Variants in FHOD3 observed in about 807,000 individuals in gnomAD.
FHOD3 encodes the protein formin homology 2 domain containing 3, also known as FH1/FH2 domain-containing protein 3.
Under a neutral mutation model 173.0 loss-of-function variants are expected in FHOD3, and 90 were observed. The observed-to-expected ratio is 0.52, with a 90% CI of 0.44 to 0.62. The LOEUF is 0.62. Among genes scored for constraint, FHOD3 ranks in the 20% least tolerant of loss-of-function variants. The pLI is 0.00. For missense variants in FHOD3, 1,945 were observed against 2,034.7 expected (o/e 0.96, Z 0.85); for synonymous variants, 828 against 823.0 (o/e 1.01, Z -0.10).
intron 10 of FHOD3, among the ~76,000 whole-genome samples, chr18:36,632,834 G>A (rs2034613311): frequency 6.6e-6 from 1 of 152,100 alleles, no homozygotes; most frequent in Non-Finnish European, 1.5e-5. Context: ...TTGTCTGAGG[G>A]GCAAAAGACA....
intron 3 of FHOD3, among the ~76,000 whole-genome samples, chr18:36,491,115 T>C (rs918117662): frequency 6.6e-6 from 1 of 152,164 alleles, no homozygotes; most frequent in African/African-American, 2.4e-5. Flanking sequence ...AAGCGATGAT[T>C]CATGGCAGAA....
At chr18:36,450,486 T>C (rs2051782057) in intron 3 of FHOD3, among the ~76,000 whole-genome samples, 1 of 148,674 alleles carries the variant, frequency 6.7e-6, no homozygotes, top group East Asian at 2.0e-4. Flanking sequence ...TTTATTTATT[T>C]AATTTTTAAA....
At chr18:36,606,343 C>T (rs2032066926) in intron 8 of FHOD3, among the ~76,000 whole-genome samples, 1 of 151,922 alleles carries the variant, frequency 6.6e-6, no homozygotes, top group Non-Finnish European at 1.5e-5. Flanking sequence ...GCCATGCCAT[C>T]CATGGTAGAG....
intron 20 of FHOD3, among the ~76,000 whole-genome samples, chr18:36,737,865 T>C (rs777825009): frequency 6.6e-6 from 1 of 152,190 alleles, no homozygotes; most frequent in Non-Finnish European, 1.5e-5. Flanking sequence ...TAATATAGAG[T>C]GCAGTCGACT....
chr18:36,731,037 A>G (rs951594524), intron 20 of FHOD3, among the ~76,000 whole-genome samples: 1 of 152,170 alleles, frequency 6.6e-6, no homozygotes, highest in African/African-American at 2.4e-5. Context: ...CTCTGACCAC[A>G]TTCTGCCTAC....
At chr18:36,642,419 A>C (rs921213078) in intron 10 of FHOD3, among the ~76,000 whole-genome samples, 3 of 152,052 alleles carry the variant, frequency 2.0e-5, no homozygotes, top group Non-Finnish European at 2.9e-5. Context: ...GGAGATCGAG[A>C]CCATCCTGGC....
rs909185380 is a variant in FHOD3, at chr18:36,652,709, A to C, written c.1426A>C (p.Ser476Arg). ...CACTGCAGGCGGGACCACCTGGCAC[A>C]GTGGGTCCTCTGGGTCTGAGGCCAC... ...VGTAGGTTWHSGSSGSEATPS... is the reference protein window; with the variant it reads ...VGTAGGTTWHRGSSGSEATPS... Residue 476 changes from serine (S) to arginine (R), a missense_variant, in exon 12 of 29, where the codon AGT (serine) becomes CGT (arginine). Around this residue, in one of 5 missense-constraint regions of FHOD3, gnomAD observed 1,099 missense variants for 1,051.2 expected, o/e 1.05. Transcript: ENST00000590592. The C allele has an allele frequency of 9.8e-6, 15 of 1,535,626 alleles. No homozygotes were observed. In the Admixed American group the frequency reaches 2.7e-4, roughly 28 times the overall value.
intron 1 of FHOD3, among the ~76,000 whole-genome samples, chr18:36,322,852 T>G (rs2044470358): frequency 6.6e-6 from 1 of 152,182 alleles, no homozygotes; most frequent in African/African-American, 2.4e-5. Flanking sequence ...CTGGCATTAA[T>G]TCACTCACTC....
At chr18:36,429,815 A>G (rs933456569) in intron 3 of FHOD3, among the ~76,000 whole-genome samples, 2 of 152,044 alleles carry the variant, frequency 1.3e-5, no homozygotes, top group Non-Finnish European at 2.9e-5. Context: ...AACTGCTGGC[A>G]CTAGGGAGGA....
chr18:36,488,784 A>G (rs1242785075), intron 3 of FHOD3, among the ~76,000 whole-genome samples: 3 of 152,162 alleles, frequency 2.0e-5, no homozygotes, highest in Admixed American at 2.0e-4. Context: ...TGGATTTAGG[A>G]GTCTGGATGG....
intron 11 of FHOD3, 95 bp from the exon 12 acceptor site, chr18:36,652,475 A>C: frequency 1.5e-6 from 2 of 1,374,578 alleles, no homozygotes; most frequent in Non-Finnish European, 1.9e-6. Flanking sequence ...ATAGTACAGA[A>C]GTGGCTTTTT....
At chr18:36,669,710 T>C (rs1343084244) in intron 14 of FHOD3, among the ~76,000 whole-genome samples, 1 of 152,016 alleles carries the variant, frequency 6.6e-6, no homozygotes, top group Non-Finnish European at 1.5e-5. Context: ...ACGGTGATCA[T>C]GGATTTTACC....
At chr18:36,301,054 T>C (rs2091946775) in intron 1 of FHOD3, among the ~76,000 whole-genome samples, 1 of 152,200 alleles carries the variant, frequency 6.6e-6, no homozygotes, top group Admixed American at 6.5e-5. Flanking sequence ...GAGTAAACTT[T>C]TGACTGAAGT....
chr18:36,579,269 C>A (rs2058763003), intron 6 of FHOD3, among the ~76,000 whole-genome samples: 2 of 152,164 alleles, frequency 1.3e-5, no homozygotes, highest in African/African-American at 4.8e-5. Context: ...CATGACACAG[C>A]TGAATTAAGA....
chr18:36,462,633 G>T (rs1365659886), intron 3 of FHOD3, among the ~76,000 whole-genome samples: 1 of 152,072 alleles, frequency 6.6e-6, no homozygotes, highest in Non-Finnish European at 1.5e-5. Context: ...TTTAGACAGG[G>T]TCTTGCTCTG....
chr18:36,485,130 C>T (rs150705295), intron 3 of FHOD3, among the ~76,000 whole-genome samples: 18 of 133,628 alleles, frequency 1.3e-4, no homozygotes, highest in African/African-American at 5.2e-4. Context: ...AACTTCATCT[C>T]TTGTGAATGT....
At chr18:36,571,793 A>G (rs1000384901) in intron 5 of FHOD3, among the ~76,000 whole-genome samples, 4 of 151,576 alleles carry the variant, frequency 2.6e-5, no homozygotes, top group Non-Finnish European at 4.4e-5. Flanking sequence ...TGGACCTATG[A>G]AAAAAAAATG....
At chr18:36,738,790 G>C (rs929290965) in intron 20 of FHOD3, among the ~76,000 whole-genome samples, 7 of 152,216 alleles carry the variant, frequency 4.6e-5, no homozygotes, top group African/African-American at 7.2e-5. Flanking sequence ...CATCGATCTA[G>C]GTGTCTATCC....
intron 3 of FHOD3, among the ~76,000 whole-genome samples, chr18:36,452,882 G>GTA (rs1319596440): frequency 1.3e-5 from 2 of 151,930 alleles, no homozygotes; most frequent in Non-Finnish European, 2.9e-5. Flanking sequence ...ATATATGTGT[G>GTA]TATATATATG....
Sources: gnomAD v4.1 joint callset for allele counts (sites outside exome capture counted in the v4.1 genomes callset) on GRCh38, gnomAD v4.1.1 for gene constraint, gnomAD v4.1.1 regional missense constraint, MANE v1.5 for transcripts, NCBI Gene and HGNC (gene_info 2026-07-23, HGNC 2026-07-21) for gene names.